SSH2: variants seen among roughly 807,000 people sequenced by gnomAD.
SSH2 encodes slingshot protein phosphatase 2.
A neutral mutation model predicts 135.2 loss-of-function variants in SSH2; 37 were observed. The observed-to-expected ratio is 0.27, with a 90% confidence interval of 0.21 to 0.36. SSH2 has a LOEUF of 0.36. SSH2 is among the 10% of genes least tolerant of loss of function. The pLI is 1.00. For synonymous variants in SSH2, 628 were observed against 646.2 expected (o/e 0.97, Z 0.43); for missense variants, 1,408 against 1,765.3 (o/e 0.80, Z 3.63).
intron 2 of SSH2, among the ~76,000 whole-genome samples, chr17:29,828,769 T>G (rs2042787830): frequency 6.6e-6 from 1 of 152,218 alleles, no homozygotes; most frequent in African/African-American, 2.4e-5. Context: ...TGAAGCTTTG[T>G]TCAGCAGTAT....
Position 29,927,269 on chromosome 17 carries a change from CCTT to C in SSH2, c.63+2666_63+2668del, listed in dbSNP as rs1423319334. ...CTTCAGGTACCTACAGTATCATTCC[CCTT>C]CTTCTTCTTTTCCCTCTTACCTTAT... is the stretch of plus-strand genomic sequence containing the variant. On this transcript the variant is annotated intron_variant, in intron 1 of 15. Transcript: ENST00000540801. Among the ~76,000 whole-genome samples the C allele has an allele frequency of 3.9e-5, 6 of 152,088 alleles. No individual in the cohort carries two copies. The East Asian group carries it at 7.7e-4, about 20-fold the overall frequency.
chr17:29,683,071 C>G (rs907441616), intron 6 of SSH2, among the ~76,000 whole-genome samples: 2 of 152,128 alleles, frequency 1.3e-5, no homozygotes, highest in Non-Finnish European at 2.9e-5. Context: ...CCCTCAACAT[C>G]AGGAAAATTA....
intron 1 of SSH2, among the ~76,000 whole-genome samples, chr17:29,888,931 C>CA (rs1175371440): frequency 0.018 from 778 of 42,074 alleles, 77 homozygotes; most frequent in African/African-American, 0.034. Context: ...GACACTATCT[C>CA]AAAAAAAAAA....
At chr17:29,838,393 C>A (rs893966265) in intron 2 of SSH2, among the ~76,000 whole-genome samples, 1 of 152,248 alleles carries the variant, frequency 6.6e-6, no homozygotes, top group Non-Finnish European at 1.5e-5. Context: ...AGCAGGCAGA[C>A]TCCTAGGCAG....
In SSH2 at chr17:29,690,664, T is replaced by C. The variant is rs376502467; in HGVS notation, c.357+4795A>G. On this transcript the variant is annotated intron_variant, in intron 5 of 15. Transcript: ENST00000540801. Reference sequence around the variant, plus strand: ...TTAAAACAGGCTTCACTTGTGACACTAGTAAACTAAAGAACACTGTCTTCA... The same window carrying C: ...TTAAAACAGGCTTCACTTGTGACACCAGTAAACTAAAGAACACTGTCTTCA... Among the ~76,000 whole-genome samples the C allele has an allele frequency of 8.5e-5, 13 of 152,244 alleles. No homozygotes were observed. The East Asian group carries it at 2.1e-3, about 25-fold the overall frequency.
intron 1 of SSH2, among the ~76,000 whole-genome samples, chr17:29,887,272 T>C (rs1046305226): frequency 1.3e-4 from 20 of 152,332 alleles, no homozygotes; most frequent in African/African-American, 4.8e-4. Flanking sequence ...ATAGAAATTT[T>C]TGTACATCTT....
At chr17:29,687,494 T>C (rs1429755447) in intron 5 of SSH2, among the ~76,000 whole-genome samples, 2 of 152,182 alleles carry the variant, frequency 1.3e-5, no homozygotes, top group African/African-American at 2.4e-5. Context: ...AACATTTAAA[T>C]GGACTAAGAT....
intron 1 of SSH2, among the ~76,000 whole-genome samples, chr17:29,873,523 C>A (rs1162762495): frequency 6.6e-6 from 1 of 151,698 alleles, no homozygotes; most frequent in Non-Finnish European, 1.5e-5. Context: ...CGCCCTGCTG[C>A]ACTCCAGCTT....
At chr17:29,753,997 C>T (rs2041036434) in intron 3 of SSH2, among the ~76,000 whole-genome samples, 1 of 152,096 alleles carries the variant, frequency 6.6e-6, no homozygotes, top group Non-Finnish European at 1.5e-5. Flanking sequence ...GATTCAGAGA[C>T]AAGAAATGCT....
chr17:29,839,420 G>T lies in SSH2; in HGVS notation c.144+9429C>A, dbSNP rs145574580. Among the ~76,000 whole-genome samples the T allele has an allele frequency of 9.8e-4, 149 of 152,328 alleles. 2 individuals carry two copies. The Middle Eastern group carries it at 0.01, about 10-fold the overall frequency. The stretch of plus-strand genomic sequence containing the variant: ...GCTGGCAAAGCAACACCCCAAGGAT[G>T]CTGTAACATTACCTCCTGAAATAGG... On this transcript the variant is annotated intron_variant, in intron 2 of 15. Coordinates refer to ENST00000540801, the MANE Select transcript of SSH2 (RefSeq NM_001282129.2).
intron 2 of SSH2, among the ~76,000 whole-genome samples, chr17:29,831,918 CTTCTT>C (rs1232892724): frequency 6.6e-6 from 1 of 151,974 alleles, no homozygotes; most frequent in African/African-American, 2.4e-5. Context: ...TGTTTTCATT[CTTCTT>C]TTGTTATTTA....
At chr17:29,716,239 C>T (rs2039617825) in intron 3 of SSH2, 3 of 319,164 alleles carry the variant, frequency 9.4e-6, no homozygotes, top group Admixed American at 8.3e-5. Flanking sequence ...CAAACCTTAA[C>T]TTGATCCTGT....
chr17:29,648,470 C>T (rs555752639), intron 13 of SSH2, 126 bp from the exon 14 acceptor site: 3 of 693,044 alleles, frequency 4.3e-6, no homozygotes, highest in Admixed American at 3.0e-5. Flanking sequence ...GCAATCTCTC[C>T]ACTTTGGTAC....
intron 2 of SSH2, among the ~76,000 whole-genome samples, chr17:29,832,726 A>G (rs1306528626): frequency 6.6e-6 from 1 of 152,132 alleles, no homozygotes; most frequent in Non-Finnish European, 1.5e-5. Context: ...GCTGGAGTAC[A>G]GTGGCATGAT....
chr17:29,803,645 C>T (rs2151316844), intron 2 of SSH2, among the ~76,000 whole-genome samples: 1 of 152,246 alleles, frequency 6.6e-6, no homozygotes. Flanking sequence ...GCAGAAGTAA[C>T]AAGAATTTGC....
intron 11 of SSH2, among the ~76,000 whole-genome samples, chr17:29,663,461 A>T (rs1408417256): frequency 6.6e-6 from 1 of 152,240 alleles, no homozygotes; most frequent in Admixed American, 6.5e-5. Flanking sequence ...CAAAGGGAGG[A>T]AGCCACCAAG....
chr17:29,731,819 G>C (rs1453832305), intron 3 of SSH2, among the ~76,000 whole-genome samples: 5 of 152,128 alleles, frequency 3.3e-5, no homozygotes, highest in African/African-American at 1.2e-4. Flanking sequence ...AGACCCTATA[G>C]GGTACTAAAC....
At chr17:29,856,519 G>T (rs1434819944) in intron 1 of SSH2, among the ~76,000 whole-genome samples, 1 of 152,150 alleles carries the variant, frequency 6.6e-6, no homozygotes, top group African/African-American at 2.4e-5. Flanking sequence ...AGGCTGCAGT[G>T]AGCCGTGATC....
At chr17:29,646,987 C>T (rs546836023) in intron 14 of SSH2, among the ~76,000 whole-genome samples, 16 of 150,498 alleles carry the variant, frequency 1.1e-4, no homozygotes, top group Non-Finnish European at 1.5e-4. Flanking sequence ...TTTAAAGAGT[C>T]GGCCAGGCTG....
Sources: gnomAD v4.1 joint callset for allele counts (sites outside exome capture counted in the v4.1 genomes callset) on GRCh38, gnomAD v4.1.1 for gene constraint, MANE v1.5 for transcripts, NCBI Gene and HGNC (gene_info 2026-07-23, HGNC 2026-07-21) for gene names.